Variants in EIF4E3 observed in about 807,000 individuals in gnomAD.
EIF4E3 encodes the protein eukaryotic translation initiation factor 4E family member 3.
A neutral mutation model predicts 31.7 loss-of-function variants in EIF4E3; 26 were observed. The ratio of observed to expected loss-of-function variants is 0.82; its 90% CI spans 0.60 to 1.14. The LOEUF (loss-of-function observed/expected upper bound fraction) is 1.14, where lower values mean the gene tolerates loss of function less well. EIF4E3 is among the 50% of genes most tolerant of loss of function. The pLI, the probability that EIF4E3 is intolerant of heterozygous loss-of-function variation, is 0.00. For missense variants in EIF4E3, 304 were observed against 270.9 expected (o/e 1.12, Z -0.86); for synonymous variants, 128 against 107.7 (o/e 1.19, Z -1.17).
intron 6 of EIF4E3, among the ~76,000 whole-genome samples, chr3:71,688,323 T>G (rs984135481): frequency 6.6e-6 from 1 of 152,230 alleles, no homozygotes; most frequent in Non-Finnish European, 1.5e-5. Context: ...GTGGCCTTAT[T>G]ATCTGATAAA....
At chr3:71,742,951 GCAAA>G (rs939621131) in intron 1 of EIF4E3, among the ~76,000 whole-genome samples, 3 of 152,070 alleles carry the variant, frequency 2.0e-5, no homozygotes, top group Middle Eastern at 3.2e-3. Context: ...TTTAAAACAA[GCAAA>G]CAAACAAAAA....
chr3:71,710,602 G>T, intron 1 of EIF4E3, 118 bp from the exon 2 acceptor site: 1 of 892,908 alleles, frequency 1.1e-6, no homozygotes, highest in Non-Finnish European at 1.7e-6. Context: ...CCACAGGACT[G>T]GACATTTTGG....
At chr3:71,736,076 G>A (rs1204434182) in intron 1 of EIF4E3, among the ~76,000 whole-genome samples, 1 of 152,136 alleles carries the variant, frequency 6.6e-6, no homozygotes, top group African/African-American at 2.4e-5. Context: ...ATATGTCACT[G>A]GAGACTGCAA....
At chr3:71,740,826 G>A (rs944681127) in intron 1 of EIF4E3, among the ~76,000 whole-genome samples, 2 of 152,308 alleles carry the variant, frequency 1.3e-5, no homozygotes, top group East Asian at 3.9e-4. Context: ...CAAAAGAATT[G>A]TAAGAATTCA....
intron 6 of EIF4E3, among the ~76,000 whole-genome samples, chr3:71,685,073 T>C (rs1198426787): frequency 2.0e-5 from 3 of 152,054 alleles, no homozygotes; most frequent in Non-Finnish European, 4.4e-5. Flanking sequence ...ACAAAATGCA[T>C]TGCAGGGGGT....
At chr3:71,754,313 G>A (rs1439593319), upstream of EIF4E3, 1 of 1,160,150 alleles carries the variant, frequency 8.6e-7, no homozygotes, top group Non-Finnish European at 1.1e-6. This position sits in a 1 kb window ranked among gnomAD's most constrained non-coding sequence, Gnocchi z 5.8. Context: ...CGGCGGGGGC[G>A]CCGCCGGGCG....
intron 4 of EIF4E3, among the ~76,000 whole-genome samples, chr3:71,695,916 G>A (rs879825765): frequency 2.0e-5 from 3 of 152,164 alleles, no homozygotes; most frequent in African/African-American, 7.2e-5. Flanking sequence ...CTTGATCACT[G>A]CAAACCAGCA....
chr3:71,730,864 C>T (rs2049699033), intron 1 of EIF4E3, among the ~76,000 whole-genome samples: 1 of 152,108 alleles, frequency 6.6e-6, no homozygotes, highest in African/African-American at 2.4e-5. Flanking sequence ...CCAGTAGCTA[C>T]AAGCACATGC....
rs370234554 is a variant in EIF4E3, at chr3:71,689,937, T to C, written c.628+73A>G. On this transcript the variant is annotated intron_variant, in intron 6 of 6. Coordinates refer to ENST00000425534, the MANE Select transcript of EIF4E3 (RefSeq NM_001134651.2). ...CAAGTAAATCTGCCTTCACCACATT[T>C]GCAAAACAGTTTCTATCTTTAAAAG... The C allele has an allele frequency of 1.2e-4, 165 of 1,346,392 alleles. No homozygotes were observed. The African/African-American group carries it at 2.0e-3, about 16-fold the overall frequency. The allele number at this position is 1,346,392 out of a possible 1,614,324, so 83.4% of individuals were successfully genotyped here.
chr3:71,663,335 A>G, the EIF4E3 span, among the ~76,000 whole-genome samples: 3 of 152,172 alleles, frequency 2.0e-5, no homozygotes, highest in African/African-American at 7.2e-5. Context: ...TAACACAGAA[A>G]GTAAATATTT....
rs1164835798 is a variant in EIF4E3 at position 71,699,694 on chromosome 3, T to C, written c.264A>G (p.Val88=). ...TAGTCACAGGAGGGATATTATTGTA[T>C]ACACTCCAAAATATCTTTAAAAGAA... ...TVQTVQIFWS[V]YNNIPPVTSL... The change falls in exon 3 of 7, where the codon GTA becomes GTG. Residue 88 remains valine, a synonymous_variant. Transcript: ENST00000425534. The C allele has an allele frequency of 7.4e-6, 12 of 1,612,686 alleles. 1 individual carries two copies. The highest frequency in any genetic ancestry group is 6.6e-5 in the South Asian group (6 of 91,080).
upstream of EIF4E3, among the ~76,000 whole-genome samples, chr3:71,727,671 T>C (rs560284716): frequency 4.6e-5 from 7 of 152,370 alleles, no homozygotes; most frequent in South Asian, 1.4e-3. Flanking sequence ...TACATGAATT[T>C]ATATATAGCT....
chr3:71,732,741 T>G (rs931467992), intron 1 of EIF4E3, among the ~76,000 whole-genome samples: 1 of 152,232 alleles, frequency 6.6e-6, no homozygotes, highest in Non-Finnish European at 1.5e-5. Context: ...CTTCAGCAAT[T>G]TTTAAAAGAA....
rs528664994 is a variant in EIF4E3 at position 71,698,577 on chromosome 3, T to C, written c.344+1037A>G. The stretch of plus-strand genomic sequence containing the variant: ...TGACTCCACGTCCTAGCTTCAAAGA[T>C]GGGCTTCTGACCCAGGCTAGCCTAT... On this transcript the variant is annotated intron_variant, in intron 3 of 6. Transcript: ENST00000425534. Among the ~76,000 whole-genome samples, 539 of 152,328 alleles carry C rather than the reference T, an allele frequency of 3.5e-3. 1 individual carries two copies. Among genetic ancestry groups the C allele is most frequent in the Non-Finnish European group, 5.1e-3 (347 of 68,018 alleles).
At chr3:71,729,838 GTATT>G (rs1467636207), upstream of EIF4E3, among the ~76,000 whole-genome samples, 3 of 149,962 alleles carry the variant, frequency 2.0e-5, no homozygotes, top group Admixed American at 6.7e-5. Flanking sequence ...GTGTGTGTGT[GTATT>G]TAAGTGTTTG....
chr3:71,736,231 AAGAC>A (rs2049761668), intron 1 of EIF4E3, among the ~76,000 whole-genome samples: 1 of 152,232 alleles, frequency 6.6e-6, no homozygotes, highest in African/African-American at 2.4e-5. Flanking sequence ...GCCACTTTGA[AAGAC>A]AGTTTGGCAG....
chr3:71,697,419 G>A (rs1440826821), intron 3 of EIF4E3, among the ~76,000 whole-genome samples: 1 of 152,168 alleles, frequency 6.6e-6, no homozygotes, highest in Non-Finnish European at 1.5e-5. Flanking sequence ...ATTTCCTTGT[G>A]TTAGGAACAT....
chr3:71,716,200 G>A (rs1282221506), intron 1 of EIF4E3, among the ~76,000 whole-genome samples: 1 of 152,096 alleles, frequency 6.6e-6, no homozygotes, highest in East Asian at 1.9e-4. Context: ...TAAATAACAT[G>A]ATTCCGGAAG....
At chr3:71,751,538 A>G (rs2049929242) in intron 1 of EIF4E3, among the ~76,000 whole-genome samples, 1 of 152,228 alleles carries the variant, frequency 6.6e-6, no homozygotes, top group Non-Finnish European at 1.5e-5. Flanking sequence ...CTCTGGGCAG[A>G]GGCAGCCCAA....
Sources: allele counts gnomAD v4.1 joint callset (sites outside exome capture counted in the v4.1 genomes callset), GRCh38; gene constraint gnomAD v4.1.1; non-coding constraint Gnocchi (gnomAD v3.1); transcripts MANE v1.5; gene names NCBI Gene and HGNC (gene_info 2026-07-23, HGNC 2026-07-21).